The following KIDINS220 variants were observed in gnomAD, a reference collection of about 807,000 sequenced individuals.
The protein encoded by KIDINS220 is kinase D interacting substrate 220.
KIDINS220 carries 63 observed loss-of-function variants against 157.6 expected under a neutral mutation model. The observed-to-expected ratio is 0.40, with a 90% CI of 0.33 to 0.49. The LOEUF (loss-of-function observed/expected upper bound fraction) is 0.49. Among genes scored for constraint, KIDINS220 ranks in the 20% least tolerant of loss-of-function variants. KIDINS220 has a pLI of 0.66. For missense variants in KIDINS220, 1,772 were observed against 2,171.2 expected (o/e 0.82, Z 3.65); for synonymous variants, 732 against 783.6 (o/e 0.93, Z 1.10).
intron 22 of KIDINS220, among the ~76,000 whole-genome samples, chr2:8,762,059 T>TA (rs2148115702): frequency 6.6e-6 from 1 of 152,318 alleles, no homozygotes; most frequent in East Asian, 1.9e-4. Flanking sequence ...TAACTATACA[T>TA]AATGCTCTTA....
chr2:8,809,727 T>C (rs1231859596), intron 6 of KIDINS220, among the ~76,000 whole-genome samples: 1 of 151,818 alleles, frequency 6.6e-6, no homozygotes, highest in East Asian at 1.9e-4. Flanking sequence ...ACAGACTTCC[T>C]TTCCCTTCTC....
At chr2:8,732,038 A>G (rs1664198297) in intron 29 of KIDINS220, 56 bp from the exon 30 acceptor site, 1 of 1,453,590 alleles carries the variant, frequency 6.9e-7, no homozygotes, top group Non-Finnish European at 9.2e-7. Context: ...AAAAAGGCAT[A>G]AACATCAGCT....
chr2:8,727,357 C>T (rs979909757), downstream of KIDINS220: 3 of 702,530 alleles, frequency 4.3e-6, no homozygotes, highest in Admixed American at 1.6e-4. Context: ...CCCTTTTACC[C>T]ACGTATTCCC....
At chr2:8,734,849 A>G in intron 27 of KIDINS220, 96 bp from the exon 28 acceptor site, 1 of 877,456 alleles carries the variant, frequency 1.1e-6, no homozygotes, top group South Asian at 1.8e-5. Context: ...TTAGTTTTAA[A>G]TAAGTCTCTA....
At chr2:8,766,067 A>G (rs1288442605) in intron 22 of KIDINS220, among the ~76,000 whole-genome samples, 1 of 152,078 alleles carries the variant, frequency 6.6e-6, no homozygotes, top group Non-Finnish European at 1.5e-5. Flanking sequence ...GCATCAGGGT[A>G]ATGGCCACAC....
At chr2:8,815,712 C>T (rs1676993675) in intron 4 of KIDINS220, among the ~76,000 whole-genome samples, 1 of 152,164 alleles carries the variant, frequency 6.6e-6, no homozygotes, top group African/African-American at 2.4e-5. Context: ...TGGCCCCCTA[C>T]ATAAGAACCT....
chr2:8,815,401 A>T (rs1195289192), intron 4 of KIDINS220, among the ~76,000 whole-genome samples: 1 of 151,394 alleles, frequency 6.6e-6, no homozygotes, highest in Admixed American at 6.6e-5. Context: ...TGTCTCAAAA[A>T]AAAAAAAAGA....
chr2:8,751,975 G>A (rs921519384), intron 22 of KIDINS220, among the ~76,000 whole-genome samples: 1 of 152,080 alleles, frequency 6.6e-6, no homozygotes, highest in African/African-American at 2.4e-5. Flanking sequence ...AAAGTGCTGG[G>A]ATTACAGGTG....
At chr2:8,770,107 T>C (rs1341715866) in intron 22 of KIDINS220, among the ~76,000 whole-genome samples, 1 of 152,166 alleles carries the variant, frequency 6.6e-6, no homozygotes, top group Non-Finnish European at 1.5e-5. Context: ...GAAGTGTATA[T>C]AAACTATACA....
At chr2:8,828,401 C>G (rs967358025) in intron 1 of KIDINS220, among the ~76,000 whole-genome samples, 8 of 152,222 alleles carry the variant, frequency 5.3e-5, no homozygotes, top group Admixed American at 2.6e-4. Context: ...TCACTGCTCT[C>G]CACACCACTT....
At chr2:8,759,478 A>G (rs1418071652) in intron 22 of KIDINS220, among the ~76,000 whole-genome samples, 1 of 151,342 alleles carries the variant, frequency 6.6e-6, no homozygotes, top group African/African-American at 2.4e-5. Flanking sequence ...GGAAACTTGT[A>G]CGCATGTAAT....
chr2:8,823,984 A>C (rs1007389336), intron 2 of KIDINS220, among the ~76,000 whole-genome samples: 3 of 152,114 alleles, frequency 2.0e-5, no homozygotes, highest in Non-Finnish European at 4.4e-5. Flanking sequence ...TCAAAAAAAA[A>C]ACATAGAGCT....
intron 2 of KIDINS220, 39 bp downstream of exon 2, chr2:8,826,947 T>C: frequency 8.5e-7 from 1 of 1,176,700 alleles, no homozygotes; most frequent in Non-Finnish European, 1.3e-6. Flanking sequence ...AGTCAACAAA[T>C]ATTTGTGAAA....
intron 21 of KIDINS220, among the ~76,000 whole-genome samples, chr2:8,771,219 T>A (rs1393392016): frequency 6.6e-6 from 1 of 152,202 alleles, no homozygotes; most frequent in Non-Finnish European, 1.5e-5. Context: ...TCTGCTGAGA[T>A]CCTATTGATG....
chr2:8,725,129 G>C (rs1261987209), downstream of KIDINS220: 1 of 152,096 alleles, frequency 6.6e-6, no homozygotes, highest in Non-Finnish European at 1.5e-5. Context: ...TCAGGTAAAA[G>C]GAGAAAAACA....
chr2:8,787,479 C>T (rs752412351), intron 15 of KIDINS220, among the ~76,000 whole-genome samples: 2 of 151,716 alleles, frequency 1.3e-5, no homozygotes, highest in Non-Finnish European at 2.9e-5. Context: ...AGCAGTCCTC[C>T]CACTTCAGCC....
intron 22 of KIDINS220, among the ~76,000 whole-genome samples, chr2:8,752,824 C>T (rs1049411444): frequency 3.3e-5 from 5 of 152,074 alleles, no homozygotes; most frequent in Admixed American, 6.5e-5. Context: ...CAGGAAAAAA[C>T]ATACTTTAAC....
intron 27 of KIDINS220, among the ~76,000 whole-genome samples, chr2:8,735,804 C>T (rs1224864352): frequency 1.3e-5 from 2 of 152,204 alleles, no homozygotes; most frequent in African/African-American, 4.8e-5. Flanking sequence ...TGCCGCGGAG[C>T]CCTAAGCACG....
At chr2:8,753,793 G>A (rs1261484447) in intron 22 of KIDINS220, among the ~76,000 whole-genome samples, 1 of 152,156 alleles carries the variant, frequency 6.6e-6, no homozygotes, top group African/African-American at 2.4e-5. Context: ...AATATTGAAA[G>A]TCATCTAAGG....
Sources: gnomAD v4.1 joint callset for allele counts (sites outside exome capture counted in the v4.1 genomes callset) on GRCh38, gnomAD v4.1.1 for gene constraint, MANE v1.5 for transcripts, NCBI Gene and HGNC (gene_info 2026-07-23, HGNC 2026-07-21) for gene names.